Variants in OXCT1 observed in about 807,000 individuals in gnomAD.
The protein encoded by OXCT1 is succinyl-CoA:3-ketoacid coenzyme A transferase 1, mitochondrial.
Under a neutral mutation model 69.6 loss-of-function variants are expected in OXCT1, and 27 were observed. The ratio of observed to expected loss-of-function variants is 0.39; its 90% confidence interval spans 0.29 to 0.54. The LOEUF is 0.54. OXCT1 is among the 20% of genes least tolerant of loss of function. The probability of loss-of-function intolerance (pLI) is 0.72; values close to 1 mark genes in which losing one functional copy is unlikely to be tolerated. For synonymous variants in OXCT1, 202 were observed against 217.8 expected, an observed-to-expected ratio of 0.93 and a Z score of 0.64; for missense variants, 437 against 650.2, an observed-to-expected ratio of 0.67 and a Z score of 3.57.
intron 13 of OXCT1, among the ~76,000 whole-genome samples, chr5:41,789,220 T>C (rs1205044626): frequency 6.6e-6 from 1 of 152,200 alleles, no homozygotes; most frequent in Non-Finnish European, 1.5e-5. Context: ...GTTTCTATCC[T>C]AACTATTTAA....
chr5:41,742,961 C>A (rs1743256348), intron 15 of OXCT1, among the ~76,000 whole-genome samples: 1 of 152,084 alleles, frequency 6.6e-6, no homozygotes, highest in Non-Finnish European at 1.5e-5. Flanking sequence ...GTCTTTATAG[C>A]AGCATGATTT....
chr5:41,733,116 A>G (rs776333687), intron 16 of OXCT1, among the ~76,000 whole-genome samples: 3 of 152,202 alleles, frequency 2.0e-5, no homozygotes, highest in Admixed American at 6.5e-5. Flanking sequence ...AAAAAGTAAC[A>G]TCACACATAC....
intron 13 of OXCT1, among the ~76,000 whole-genome samples, chr5:41,774,289 T>C (rs1380158593): frequency 1.3e-5 from 2 of 152,224 alleles, no homozygotes; most frequent in Non-Finnish European, 1.5e-5. Context: ...TGCATGAGCA[T>C]GGGTTAATAT....
chr5:41,742,550 T>G (rs1034190267), intron 15 of OXCT1, among the ~76,000 whole-genome samples: 4 of 152,354 alleles, frequency 2.6e-5, no homozygotes, highest in Admixed American at 2.6e-4. Context: ...GTTACATATG[T>G]ATGCATGTGC....
intron 15 of OXCT1, among the ~76,000 whole-genome samples, chr5:41,742,802 A>G (rs1361653926): frequency 6.6e-6 from 1 of 152,242 alleles, no homozygotes; most frequent in Non-Finnish European, 1.5e-5. Context: ...TACAAAGGAC[A>G]TGAACTCATC....
chr5:41,790,226 A>T (rs1377335817), intron 13 of OXCT1, among the ~76,000 whole-genome samples: 4 of 152,146 alleles, frequency 2.6e-5, no homozygotes, highest in Non-Finnish European at 5.9e-5. Flanking sequence ...ATAGCTGACC[A>T]TACACATCTG....
At chr5:41,749,393 G>T (rs749456659) in intron 15 of OXCT1, 134 bp downstream of exon 15, 6 of 626,826 alleles carry the variant, frequency 9.6e-6, no homozygotes, top group African/African-American at 1.9e-5. Context: ...TTAAATTGAT[G>T]AGCTTTCCTA....
chr5:41,801,101 A>T (rs1190384400), intron 10 of OXCT1, 31 bp from the exon 11 acceptor site: 1 of 1,523,262 alleles, frequency 6.6e-7, no homozygotes, highest in Non-Finnish European at 9.1e-7. Context: ...TCAATTAGTA[A>T]ATGAAGATTC....
chr5:41,829,518 A>G (rs1747990111), intron 7 of OXCT1, among the ~76,000 whole-genome samples: 1 of 152,170 alleles, frequency 6.6e-6, no homozygotes, highest in Non-Finnish European at 1.5e-5. Flanking sequence ...AATGAAGTCC[A>G]TTGTACCTGA....
intron 8 of OXCT1, 58 bp from the exon 9 acceptor site, chr5:41,805,739 C>T: frequency 8.9e-7 from 1 of 1,121,042 alleles, no homozygotes; most frequent in Non-Finnish European, 1.4e-6. Flanking sequence ...TATTTTATCA[C>T]TGCTGAAATA....
At chr5:41,754,518 A>G (rs1193807388) in intron 14 of OXCT1, among the ~76,000 whole-genome samples, 1 of 152,124 alleles carries the variant, frequency 6.6e-6, no homozygotes, top group Non-Finnish European at 1.5e-5. Context: ...CATCTCATGT[A>G]CCCCATAAAT....
At chr5:41,847,460 A>T (rs1263150077) in intron 5 of OXCT1, among the ~76,000 whole-genome samples, 60 of 151,874 alleles carry the variant, frequency 4.0e-4, no homozygotes, top group Middle Eastern at 3.4e-3. Flanking sequence ...TACCAAAGCC[A>T]GGCAGAGACT....
intron 15 of OXCT1, among the ~76,000 whole-genome samples, chr5:41,742,161 A>G (rs187544875): frequency 0.01 from 1,535 of 152,314 alleles, 10 homozygotes; most frequent in Non-Finnish European, 0.016. Flanking sequence ...ATTGCTTTTA[A>G]AAAAACCTTA....
chr5:41,781,761 C>G (rs1043695940), intron 13 of OXCT1, among the ~76,000 whole-genome samples: 2 of 152,158 alleles, frequency 1.3e-5, no homozygotes, highest in Admixed American at 1.3e-4. Context: ...TGACTCAATC[C>G]AGGTCCCTGC....
chr5:41,799,780 C>T (rs1212187779), intron 11 of OXCT1, among the ~76,000 whole-genome samples: 2 of 152,160 alleles, frequency 1.3e-5, no homozygotes, highest in African/African-American at 4.8e-5. Flanking sequence ...GTAGGCCTTT[C>T]AGAGTTGAGT....
rs533671447 is a variant in OXCT1, at chr5:41,819,294, T to C, written c.733-11856A>G. Among the ~76,000 whole-genome samples the C allele has an allele frequency of 4.6e-5, 7 of 150,710 alleles. No individual in the cohort carries two copies. The South Asian group carries it at 1.5e-3, about 32-fold the overall frequency. On this transcript the variant is annotated intron_variant, in intron 7 of 16. Coordinates refer to ENST00000196371, the MANE Select transcript of OXCT1 (RefSeq NM_000436.4). The stretch of plus-strand genomic sequence containing the variant: ...AGTGACAGTGTACCTTATTTAATAA[T>C]CTTTCAGGAGGGAGTATCACGAACA...
intron 3 of OXCT1, 141 bp from the exon 4 acceptor site, chr5:41,853,695 T>A (rs1339567099): frequency 3.3e-6 from 3 of 922,402 alleles, no homozygotes; most frequent in Admixed American, 4.0e-5. Flanking sequence ...TAGTCTCCCA[T>A]AACCCCAAAA....
intron 3 of OXCT1, among the ~76,000 whole-genome samples, chr5:41,856,523 C>G (rs1035673199): frequency 6.6e-6 from 1 of 152,228 alleles, no homozygotes; most frequent in African/African-American, 2.4e-5. Flanking sequence ...TCCAGCTCAG[C>G]TGATTCCTTC....
rs1466645205 is a variant in OXCT1 at position 41,805,586 on chromosome 5, C to T, written c.936G>A (p.Glu312=). Residue 312 remains glutamate (E), a synonymous_variant, in exon 9 of 17, where the codon GAG becomes GAA. Coordinates refer to ENST00000196371, the MANE Select transcript of OXCT1 (RefSeq NM_000436.4). ...GGATACCATACATGCCATCCTCAAA[C>T]TCAAGAGCGGCCCTCTTGATGATTC... ...RERIIKRAAL[E]FEDGMYANLG... 2 of 1,611,824 alleles carry T rather than the reference C, an allele frequency of 1.2e-6. No individual in the cohort carries two copies. The highest frequency in any genetic ancestry group is 1.7e-5 in the Admixed American group (1 of 59,872).
Sources: gnomAD v4.1 joint callset for allele counts (sites outside exome capture counted in the v4.1 genomes callset) on GRCh38, gnomAD v4.1.1 for gene constraint, MANE v1.5 for transcripts, NCBI Gene and HGNC (gene_info 2026-07-23, HGNC 2026-07-21) for gene names.